Variants in CFAP95 observed in about 807,000 individuals in gnomAD.
CFAP95 encodes the protein cilia- and flagella-associated protein 95.
the CFAP95 span, among the ~76,000 whole-genome samples, chr9:69,825,998 C>A: frequency 2.0e-5 from 3 of 152,092 alleles, no homozygotes; most frequent in Non-Finnish European, 4.4e-5. Context: ...GGGAGTTTCG[C>A]TTCCTGTCTC....
chr9:69,873,550 G>A, the CFAP95 span, among the ~76,000 whole-genome samples: 1 of 152,178 alleles, frequency 6.6e-6, no homozygotes, highest in African/African-American at 2.4e-5. Context: ...GGGTCAGGTA[G>A]ATTCCGTGAC....
At chr9:69,834,401 T>A in the CFAP95 span, among the ~76,000 whole-genome samples, 1 of 152,184 alleles carries the variant, frequency 6.6e-6, no homozygotes, top group African/African-American at 2.4e-5. Context: ...TTTTCACCAC[T>A]CCTGGTGTAC....
At chr9:69,883,064 C>T in the CFAP95 span, among the ~76,000 whole-genome samples, 5 of 152,196 alleles carry the variant, frequency 3.3e-5, no homozygotes, top group Admixed American at 1.3e-4. Context: ...GCAGTGAAGC[C>T]CTCATGTCCT....
the CFAP95 span, among the ~76,000 whole-genome samples, chr9:69,863,868 C>A: frequency 3.3e-5 from 5 of 151,984 alleles, no homozygotes; most frequent in African/African-American, 1.2e-4. Flanking sequence ...CTTGACTTCA[C>A]TTTTTTTTCT....
the CFAP95 span, among the ~76,000 whole-genome samples, chr9:69,883,861 G>C: frequency 6.8e-6 from 1 of 147,892 alleles, no homozygotes; most frequent in Non-Finnish European, 1.5e-5. Context: ...CTTTTGTATT[G>C]TTTTCTTCAT....
At chr9:69,893,637 A>C in the CFAP95 span, among the ~76,000 whole-genome samples, 96,115 of 151,868 alleles carry the variant, frequency 0.63, 30,723 homozygotes, top group East Asian at 0.82. Context: ...AAATAATAGC[A>C]TGGAAAATTG....
At chr9:69,823,494 C>T in the CFAP95 span, among the ~76,000 whole-genome samples, 16 of 152,120 alleles carry the variant, frequency 1.1e-4, no homozygotes, top group African/African-American at 3.9e-4. Context: ...GACTTGACTG[C>T]TCTGGGCCTG....
chr9:69,843,628 T>C, the CFAP95 span, among the ~76,000 whole-genome samples: 17 of 57,554 alleles, frequency 3.0e-4, no homozygotes, highest in East Asian at 1.5e-3. Flanking sequence ...CTTCTTCTTC[T>C]TCCTCCTCCT....
chr9:69,821,318 G>A, the CFAP95 span, among the ~76,000 whole-genome samples: 1 of 152,158 alleles, frequency 6.6e-6, no homozygotes, highest in Non-Finnish European at 1.5e-5. Flanking sequence ...GAGTGGGAGA[G>A]AGGGTTGGAG....
the CFAP95 span, among the ~76,000 whole-genome samples, chr9:69,851,841 A>C: frequency 6.6e-6 from 1 of 150,606 alleles, no homozygotes; most frequent in Non-Finnish European, 1.5e-5. Flanking sequence ...ACACTTCAGC[A>C]TGGGTAACAG....
chr9:69,842,865 C>A, the CFAP95 span, among the ~76,000 whole-genome samples: 1 of 152,316 alleles, frequency 6.6e-6, no homozygotes, highest in South Asian at 2.1e-4. Context: ...CTTGCCGCCC[C>A]ACCTTGGGCT....
the CFAP95 span, among the ~76,000 whole-genome samples, chr9:69,891,861 G>A: frequency 6.6e-6 from 1 of 152,066 alleles, no homozygotes; most frequent in Admixed American, 6.5e-5. Flanking sequence ...ACCAATGAGT[G>A]TTGTTATCAC....
chr9:69,854,756 C>T, the CFAP95 span, among the ~76,000 whole-genome samples: 1 of 152,180 alleles, frequency 6.6e-6, no homozygotes, highest in Admixed American at 6.5e-5. Flanking sequence ...GGAGAGGGAG[C>T]TTGGACATTT....
chr9:69,894,402 A>AGAAG, the CFAP95 span, among the ~76,000 whole-genome samples: 1 of 152,162 alleles, frequency 6.6e-6, no homozygotes, highest in Non-Finnish European at 1.5e-5. Context: ...GTAGATGAGT[A>AGAAG]GAAGGAAGGA....
the CFAP95 span, among the ~76,000 whole-genome samples, chr9:69,825,433 CA>C: frequency 6.6e-6 from 1 of 152,082 alleles, no homozygotes; most frequent in African/African-American, 2.4e-5. Flanking sequence ...GTAATATCTC[CA>C]AAATCCTTTT....
At chr9:69,901,273 G>A in the CFAP95 span, among the ~76,000 whole-genome samples, 1 of 152,018 alleles carries the variant, frequency 6.6e-6, no homozygotes, top group African/African-American at 2.4e-5. Context: ...GAGTAGCTGG[G>A]AATACAGGTG....
At chr9:69,903,189 T>G in the CFAP95 span, among the ~76,000 whole-genome samples, 3 of 152,228 alleles carry the variant, frequency 2.0e-5, no homozygotes, top group Non-Finnish European at 4.4e-5. Flanking sequence ...AGCTGCAAAC[T>G]GCACCCTGGG....
chr9:69,861,371 G>A, the CFAP95 span, among the ~76,000 whole-genome samples: 1 of 152,242 alleles, frequency 6.6e-6, no homozygotes, highest in East Asian at 1.9e-4. Context: ...TCTGCAGGGT[G>A]AAGAGTGGGC....
At chr9:69,864,903 G>T in the CFAP95 span, among the ~76,000 whole-genome samples, 2 of 152,030 alleles carry the variant, frequency 1.3e-5, no homozygotes, top group African/African-American at 4.8e-5. Context: ...CCCAGTTGTT[G>T]AACATTTCTC....
Sources: gnomAD v4.1 joint callset for allele counts (sites outside exome capture counted in the v4.1 genomes callset) on GRCh38, gnomAD v4.1.1 for gene constraint, MANE v1.5 for transcripts, NCBI Gene and HGNC (gene_info 2026-07-23, HGNC 2026-07-21) for gene names.